FSHR: variants seen among roughly 807,000 people sequenced by gnomAD.
FSHR encodes the protein follicle stimulating hormone receptor, also known as follicle-stimulating hormone receptor.
In FSHR, 46 loss-of-function variants were observed where a neutral mutation model predicts 52.1. The observed-to-expected ratio is 0.88, with a 90% CI of 0.70 to 1.13. The LOEUF is 1.13. Among genes scored for constraint, FSHR ranks in the 50% most tolerant of loss-of-function variants. The pLI is 0.00. For synonymous variants in FSHR, 399 were observed against 309.6 expected, an observed-to-expected ratio of 1.29 and a Z score of -3.03; for missense variants, 964 against 834.6, an observed-to-expected ratio of 1.16 and a Z score of -1.91.
chr2:49,083,395 C>CA (rs1194897200), intron 1 of FSHR, among the ~76,000 whole-genome samples: 30 of 151,680 alleles, frequency 2.0e-4, no homozygotes, highest in Admixed American at 2.6e-4. Flanking sequence ...AAAATCATGC[C>CA]AAATGTAAAG....
intron 6 of FSHR, among the ~76,000 whole-genome samples, chr2:48,987,158 C>G (rs1272421441): frequency 2.6e-5 from 4 of 151,938 alleles, no homozygotes; most frequent in Non-Finnish European, 5.9e-5. Flanking sequence ...CATGTATTCA[C>G]TATTTTCCAC....
At chr2:48,964,954 G>A (rs1406418540) in intron 9 of FSHR, among the ~76,000 whole-genome samples, 1 of 151,388 alleles carries the variant, frequency 6.6e-6, no homozygotes, top group Non-Finnish European at 1.5e-5. Context: ...AAAGGCTTGT[G>A]GAATGGGAAT....
intron 1 of FSHR, among the ~76,000 whole-genome samples, chr2:49,121,274 T>C (rs372699255): frequency 1.3e-5 from 2 of 152,200 alleles, no homozygotes; most frequent in East Asian, 3.9e-4. Flanking sequence ...GTGCATACAT[T>C]TGGGCAAGTC....
chr2:48,980,994 C>G (rs561878614), intron 8 of FSHR, among the ~76,000 whole-genome samples: 1 of 152,202 alleles, frequency 6.6e-6, no homozygotes, highest in Admixed American at 6.5e-5. Flanking sequence ...TAGGAACATT[C>G]AAAACTTTCA....
intron 6 of FSHR, among the ~76,000 whole-genome samples, chr2:48,984,834 A>G (rs748428761): frequency 3.9e-5 from 6 of 152,220 alleles, no homozygotes; most frequent in African/African-American, 1.4e-4. Flanking sequence ...AATCAAATAA[A>G]ACATAAACTA....
intron 4 of FSHR, among the ~76,000 whole-genome samples, chr2:48,998,415 A>C (rs1559118136): frequency 6.6e-6 from 1 of 152,148 alleles, no homozygotes; most frequent in African/African-American, 2.4e-5. Flanking sequence ...TTTAAACATA[A>C]GGAAATGCAA....
intron 1 of FSHR, among the ~76,000 whole-genome samples, chr2:49,071,733 T>C (rs1417616121): frequency 6.6e-6 from 1 of 152,140 alleles, no homozygotes; most frequent in Non-Finnish European, 1.5e-5. Flanking sequence ...CTGCTTCTGG[T>C]GAGGGCCTCA....
intron 4 of FSHR, among the ~76,000 whole-genome samples, chr2:48,992,205 A>T (rs1675814551): frequency 6.6e-6 from 1 of 152,150 alleles, no homozygotes; most frequent in African/African-American, 2.4e-5. Flanking sequence ...ACAGAAAAAT[A>T]AACTCTTTTC....
chr2:49,092,298 A>G (rs1232552613), intron 1 of FSHR, among the ~76,000 whole-genome samples: 1 of 152,196 alleles, frequency 6.6e-6, no homozygotes, highest in African/African-American at 2.4e-5. Context: ...TTCTATGTAG[A>G]CAATCAGGTA....
chr2:49,013,150 A>T (rs1572632547), intron 4 of FSHR, among the ~76,000 whole-genome samples: 1 of 116,426 alleles, frequency 8.6e-6, no homozygotes, highest in Non-Finnish European at 1.7e-5. Context: ...TCTCACTCTC[A>T]CTCTTGGTAC....
At chr2:48,992,603 A>G (rs1675835848) in intron 4 of FSHR, among the ~76,000 whole-genome samples, 2 of 151,942 alleles carry the variant, frequency 1.3e-5, no homozygotes, top group African/African-American at 4.8e-5. Flanking sequence ...GGTTCTCATG[A>G]AGGTGTTTTT....
At chr2:49,068,147 A>C (rs773182417) in intron 2 of FSHR, 72 bp downstream of exon 2, 3 of 1,131,640 alleles carry the variant, frequency 2.7e-6, no homozygotes, top group Admixed American at 1.7e-5. Flanking sequence ...AGATAGTCAT[A>C]CTAGATGTGG....
At chr2:49,053,767 A>G (rs1026327057) in intron 2 of FSHR, among the ~76,000 whole-genome samples, 3 of 152,198 alleles carry the variant, frequency 2.0e-5, no homozygotes, top group Admixed American at 2.0e-4. Flanking sequence ...GGGATAATAA[A>G]TGAGGAAGAA....
chr2:49,139,718 C>T (rs1672610385), intron 1 of FSHR, among the ~76,000 whole-genome samples: 1 of 151,736 alleles, frequency 6.6e-6, no homozygotes, highest in African/African-American at 2.4e-5. Flanking sequence ...CTGCCTCAGC[C>T]TCCTGAGTAG....
At chr2:49,070,381 A>G (rs1669684574) in intron 1 of FSHR, among the ~76,000 whole-genome samples, 1 of 152,176 alleles carries the variant, frequency 6.6e-6, no homozygotes, top group African/African-American at 2.4e-5. Context: ...AAATTAATCA[A>G]AGTTAGCTCA....
At chr2:49,002,687 C>T (rs1666943769) in intron 4 of FSHR, among the ~76,000 whole-genome samples, 1 of 152,042 alleles carries the variant, frequency 6.6e-6, no homozygotes, top group African/African-American at 2.4e-5. Flanking sequence ...CATGAAGTCC[C>T]TCCCCAACAT....
In FSHR at chr2:49,129,047, G is replaced by GT. The variant is rs61220657; in HGVS notation, c.152+25218dup. Among the ~76,000 whole-genome samples, 624 of 143,620 alleles carry GT rather than the reference G, an allele frequency of 4.3e-3. 2 individuals are homozygous for GT. The highest frequency in any genetic ancestry group is 0.01 in the South Asian group (47 of 4,540). The allele number at this position is 143,620 out of a possible 152,430, so 94.2% of individuals were successfully genotyped here. On this transcript the variant is annotated intron_variant, in intron 1 of 9. Transcript: ENST00000406846. ...ATCCAGATTGTTTATCTGTTTTCTT[G>GT]TTTTTTTTTTTTTCAGTTATATGTT... is the stretch of plus-strand genomic sequence containing the variant.
At chr2:49,094,312 G>C (rs1277231034) in intron 1 of FSHR, among the ~76,000 whole-genome samples, 1 of 152,108 alleles carries the variant, frequency 6.6e-6, no homozygotes, top group Non-Finnish European at 1.5e-5. Context: ...AATTGCATCA[G>C]ATAAGGTTAT....
chr2:49,090,262 C>A (rs755778073), intron 1 of FSHR, among the ~76,000 whole-genome samples: 7 of 152,084 alleles, frequency 4.6e-5, no homozygotes, highest in African/African-American at 1.7e-4. Context: ...CTTGGACTGA[C>A]ATTTTGAGGA....
Sources: gnomAD v4.1 joint callset for allele counts (sites outside exome capture counted in the v4.1 genomes callset) on GRCh38, gnomAD v4.1.1 for gene constraint, MANE v1.5 for transcripts, NCBI Gene and HGNC (gene_info 2026-07-23, HGNC 2026-07-21) for gene names.